Variants in TACC2 observed in about 807,000 individuals in gnomAD.
TACC2 encodes the protein transforming acidic coiled-coil containing protein 2.
TACC2 carries 137 observed loss-of-function variants against 227.3 expected under a neutral mutation model. The ratio of observed to expected loss-of-function variants is 0.60; its 90% confidence interval spans 0.52 to 0.69. The LOEUF (loss-of-function observed/expected upper bound fraction) is 0.69. TACC2 is among the 30% of genes least tolerant of loss of function. The pLI is 0.00. For synonymous variants in TACC2, 1,523 were observed against 1,487.5 expected (o/e 1.02, Z -0.55); for missense variants, 3,470 against 3,694.4 (o/e 0.94, Z 1.57).
Position 122,237,555 on chromosome 10 carries a change from T to C in TACC2, c.8271+17T>C, listed in dbSNP as rs747695153. 6.2e-6 allele frequency: 10 copies of C among 1,603,646 alleles called. No homozygotes were observed. The Admixed American group carries it at 1.7e-4, about 27-fold the overall frequency. ...AGAGCAGAGGTATCGTGGCATGTGG[T>C]GTAATTACCCTCTTCCTGCCACTTA... On this transcript the variant is annotated intron_variant, in intron 17 of 22. Coordinates refer to ENST00000369005, the MANE Select transcript of TACC2 (RefSeq NM_206862.4).
At chr10:122,016,765 A>C (rs541884065) in intron 1 of TACC2, among the ~76,000 whole-genome samples, 35 of 152,214 alleles carry the variant, frequency 2.3e-4, no homozygotes, top group Non-Finnish European at 4.3e-4. Flanking sequence ...CTTCTTCTAT[A>C]AGATGCTTAA....
chr10:122,177,382 CA>C (rs1318237015), intron 7 of TACC2, among the ~76,000 whole-genome samples: 2 of 152,102 alleles, frequency 1.3e-5, no homozygotes, highest in Non-Finnish European at 2.9e-5. Flanking sequence ...GATGTTTGTG[CA>C]CAGGGCCTTT....
intron 7 of TACC2, among the ~76,000 whole-genome samples, chr10:122,153,339 A>G (rs1010632441): frequency 2.6e-5 from 4 of 152,140 alleles, no homozygotes; most frequent in African/African-American, 9.7e-5. Flanking sequence ...TGTCAGGGAG[A>G]TATTTTTGTT....
intron 1 of TACC2, among the ~76,000 whole-genome samples, chr10:121,997,025 C>T (rs111286724): frequency 9.6e-4 from 146 of 151,856 alleles, no homozygotes; most frequent in African/African-American, 3.3e-3. Flanking sequence ...TGCAGCAGCT[C>T]GTTAGAAAAG....
chr10:122,011,633 C>A (rs1226666122), intron 1 of TACC2, among the ~76,000 whole-genome samples: 1 of 152,040 alleles, frequency 6.6e-6, no homozygotes, highest in African/African-American at 2.4e-5. Flanking sequence ...TGGCCATAGT[C>A]CCTCTCAATT....
intron 3 of TACC2, among the ~76,000 whole-genome samples, chr10:122,062,673 G>T (rs910515469): frequency 6.6e-6 from 1 of 152,030 alleles, no homozygotes; most frequent in African/African-American, 2.4e-5. Context: ...TCAACCTCTT[G>T]GCTTTTTCAG....
chr10:122,105,944 C>CTGTGTGTG (rs71022897), intron 5 of TACC2, among the ~76,000 whole-genome samples: 4 of 145,166 alleles, frequency 2.8e-5, no homozygotes, highest in Non-Finnish European at 4.5e-5. Flanking sequence ...TTTTCTCTCT[C>CTGTGTGTG]TGTGTGTGTG....
At chr10:122,107,828 C>G (rs2083012312) in intron 5 of TACC2, among the ~76,000 whole-genome samples, 1 of 148,892 alleles carries the variant, frequency 6.7e-6, no homozygotes, top group Admixed American at 6.7e-5. Context: ...CCCTCACCCC[C>G]CTCCCACCCT....
chr10:122,237,448 C>A lies in TACC2; in HGVS notation c.8181C>A (p.Ser2727=). ...DVSISKTALY[S]RIGTAEVEKP... ...CCATCTCCAAAACAGCCTTGTACTC[C>A]CGCATCGGGACCGCTGAGGTGGAGA... Residue 2727 remains serine, a synonymous_variant, in exon 17 of 23, where the codon TCC becomes TCA. Transcript: ENST00000369005. The A allele has an allele frequency of 1.2e-6, 2 of 1,614,144 alleles. No homozygotes were observed. Among genetic ancestry groups the A allele is most frequent in the Non-Finnish European group, 1.7e-6 (2 of 1,180,014 alleles).
chr10:122,130,697 C>G (rs536338146), intron 5 of TACC2, among the ~76,000 whole-genome samples: 9 of 152,346 alleles, frequency 5.9e-5, no homozygotes, highest in Non-Finnish European at 1.0e-4. Flanking sequence ...TGCTGTTCAA[C>G]CTTCGACAAG....
rs534152181 is a variant in TACC2, at chr10:122,188,436, C to G, written c.5835-6604C>G. 3.9e-5 allele frequency among the ~76,000 whole-genome samples: 6 copies of G among 152,136 alleles called. No homozygotes were observed. The South Asian group carries it at 1.0e-3, about 26-fold the overall frequency. Reference sequence around the variant, plus strand: ...CTGGGACTACAGGCATGCGCCACCACGCCTGGCTAATCTTTGTATTTTTCT... The same window carrying G: ...CTGGGACTACAGGCATGCGCCACCAGGCCTGGCTAATCTTTGTATTTTTCT... On this transcript the variant is annotated intron_variant, in intron 7 of 22. Coordinates refer to ENST00000369005, the MANE Select transcript of TACC2 (RefSeq NM_206862.4).
At chr10:122,033,237 T>G in intron 2 of TACC2, 1 of 926,704 alleles carries the variant, frequency 1.1e-6, no homozygotes, top group Non-Finnish European at 1.5e-6. Flanking sequence ...TGGTGTGTCA[T>G]GTGCATTTAT....
intron 7 of TACC2, among the ~76,000 whole-genome samples, chr10:122,168,738 T>C (rs1369727158): frequency 1.3e-5 from 2 of 152,208 alleles, no homozygotes; most frequent in Non-Finnish European, 2.9e-5. Context: ...GATTCTGGGT[T>C]GCTCTTCCAT....
intron 7 of TACC2, among the ~76,000 whole-genome samples, chr10:122,160,875 C>T (rs543624252): frequency 2.6e-5 from 4 of 152,294 alleles, no homozygotes; most frequent in African/African-American, 9.6e-5. Context: ...AAATAATTTA[C>T]ACAAACTAAT....
chr10:122,223,154 A>G (rs1397633174), intron 11 of TACC2, among the ~76,000 whole-genome samples: 2 of 146,306 alleles, frequency 1.4e-5, no homozygotes, highest in Non-Finnish European at 3.0e-5. Context: ...CCTGGGTTCC[A>G]GTGATTCTTC....
intron 21 of TACC2, 123 bp downstream of exon 21, chr10:122,249,279 T>C (rs2096201554): frequency 7.8e-6 from 6 of 765,008 alleles, no homozygotes; most frequent in Middle Eastern, 3.1e-4. Flanking sequence ...TCCAAGTGTG[T>C]GTTTCAATAA....
At chr10:122,126,428 C>G (rs1306868979) in intron 5 of TACC2, among the ~76,000 whole-genome samples, 3 of 151,608 alleles carry the variant, frequency 2.0e-5, no homozygotes, top group African/African-American at 7.3e-5. Context: ...ACTCCCCCAG[C>G]TGGGAAGTAG....
chr10:122,248,951 C>T, intron 20 of TACC2, 99 bp from the exon 21 acceptor site: 2 of 1,487,746 alleles, frequency 1.3e-6, no homozygotes, highest in Non-Finnish European at 1.9e-6. Flanking sequence ...ACTTGGCCGC[C>T]TGGGGTTACA....
chr10:122,109,401 C>T (rs906491690), intron 5 of TACC2, among the ~76,000 whole-genome samples: 1 of 152,256 alleles, frequency 6.6e-6, no homozygotes, highest in South Asian at 2.1e-4. Flanking sequence ...TCCTGACGTA[C>T]TGAATCAGAA....
Sources: gnomAD v4.1 joint callset for allele counts (sites outside exome capture counted in the v4.1 genomes callset) on GRCh38, gnomAD v4.1.1 for gene constraint, MANE v1.5 for transcripts, NCBI Gene and HGNC (gene_info 2026-07-23, HGNC 2026-07-21) for gene names.